The following NRG4 variants were observed in gnomAD, a reference collection of about 807,000 sequenced individuals.
NRG4 encodes pro-neuregulin-4, membrane-bound isoform.
In NRG4, 10 loss-of-function variants were observed where a neutral mutation model predicts 15.0. The ratio of observed to expected loss-of-function variants is 0.67; its 90% CI spans 0.41 to 1.13. The LOEUF is 1.13. Among genes scored for constraint, NRG4 ranks in the 50% most tolerant of loss-of-function variants. NRG4 has a pLI of 0.00. For missense variants in NRG4, 139 were observed against 140.2 expected, an observed-to-expected ratio of 0.99 and a Z score of 0.04; for synonymous variants, 41 against 50.1, an observed-to-expected ratio of 0.82 and a Z score of 0.77.
downstream of NRG4, chr15:75,936,471 T>C (rs2030347827): frequency 6.6e-6 from 1 of 152,258 alleles, no homozygotes; most frequent in Non-Finnish European, 1.5e-5. Flanking sequence ...TTTATATATT[T>C]AACTTCTACC....
chr15:76,032,312 A>G (rs997633007), intron 5 of NRG4, among the ~76,000 whole-genome samples: 5 of 152,212 alleles, frequency 3.3e-5, no homozygotes, highest in African/African-American at 1.2e-4. Context: ...AAAGAATGGC[A>G]AAATATTGTG....
At chr15:75,945,804 C>T (rs190359389) in intron 5 of NRG4, 1 of 152,294 alleles carries the variant, frequency 6.6e-6, no homozygotes, top group East Asian at 1.9e-4. Flanking sequence ...CAGTAGTCCC[C>T]TCTTCTCCAT....
At chr15:76,022,920 G>C (rs1195822505) in intron 5 of NRG4, among the ~76,000 whole-genome samples, 1 of 151,984 alleles carries the variant, frequency 6.6e-6, no homozygotes, top group African/African-American at 2.4e-5. Context: ...TAAAGCACAG[G>C]AATTAGGACA....
intron 5 of NRG4, among the ~76,000 whole-genome samples, 198 bp from the exon 6 acceptor site, chr15:75,943,852 C>A (rs74024029): frequency 0.083 from 12,585 of 152,110 alleles, 1,296 homozygotes; most frequent in African/African-American, 0.24. Context: ...ACACTGAGTT[C>A]TGTCAGATTC....
chr15:76,044,321 A>T lies in NRG4; in HGVS notation c.-105+7746T>A, dbSNP rs923199169. ...CCGGCCACATGAACTCATTTTTGAC[A>T]AAGGTGCCAAGAACATACTTGGGGA... On this transcript the variant is annotated intron_variant, in intron 4 of 8. Coordinates refer to the NRG4 transcript ENST00000563910. Among the ~76,000 whole-genome samples the T allele has an allele frequency of 1.4e-4, 21 of 147,754 alleles. 1 individual carries two copies. The highest frequency in any genetic ancestry group is 5.4e-4 in the African/African-American group (21 of 38,534).
chr15:76,024,721 C>G (rs1371098327), intron 5 of NRG4, among the ~76,000 whole-genome samples: 3 of 152,218 alleles, frequency 2.0e-5, no homozygotes, highest in Admixed American at 1.3e-4. Flanking sequence ...CACACCACCA[C>G]TGCCAAACTC....
At chr15:76,023,640 AC>A (rs1052884322) in intron 5 of NRG4, among the ~76,000 whole-genome samples, 2 of 152,010 alleles carry the variant, frequency 1.3e-5, no homozygotes, top group African/African-American at 4.8e-5. Flanking sequence ...AATTAGAGCC[AC>A]CTCTGGAATG....
intron 5 of NRG4, among the ~76,000 whole-genome samples, chr15:75,944,955 C>CT (rs397714796): frequency 0.012 from 1,857 of 149,056 alleles, 29 homozygotes; most frequent in African/African-American, 0.035. Context: ...TTTTTTAATA[C>CT]TTTTTTTTTT....
intron 3 of NRG4, among the ~76,000 whole-genome samples, chr15:76,007,424 G>A (rs891340506): frequency 2.0e-5 from 3 of 148,764 alleles, no homozygotes; most frequent in East Asian, 2.0e-4. Context: ...ATTATTAAAC[G>A]CACTTTTTTT....
At chr15:75,997,039 C>T (rs889050259) in intron 3 of NRG4, among the ~76,000 whole-genome samples, 2 of 151,774 alleles carry the variant, frequency 1.3e-5, no homozygotes, top group Non-Finnish European at 2.9e-5. Flanking sequence ...TGAGACTTTT[C>T]CCACTATAAT....
Position 75,942,822 on chromosome 15 carries a change from T to TC in NRG4, c.*815dup, listed in dbSNP as rs889040679. ...CCTTAAAGTTACTATTGCTTTTTTT[T>TC]CCCCCATGTAACTTAGGTAGAAAAA... is the stretch of plus-strand genomic sequence containing the variant. On this transcript the variant is annotated 3_prime_UTR_variant, in exon 6 of 6. Coordinates refer to ENST00000394907, the MANE Select transcript of NRG4 (RefSeq NM_138573.4). 4 of 152,166 alleles carry TC rather than the reference T, an allele frequency of 2.6e-5. No individual in the cohort carries two copies. The highest frequency in any genetic ancestry group is 2.1e-4 in the South Asian group (1 of 4,820). 9.4% of individuals were successfully genotyped at this position (152,166 alleles called of 1,614,324 possible). A position where few individuals can be genotyped will look rare whatever the true frequency, so the allele number is the denominator to read the frequency against.
At chr15:75,956,086 GTT>G (rs10711025) in intron 4 of NRG4, 75 bp from the exon 5 acceptor site, 5,798 of 473,850 alleles carry the variant, frequency 0.012, no homozygotes, top group South Asian at 0.018. Context: ...TAGAAAGAAA[GTT>G]TTTTTTTTTT....
At chr15:75,999,554 G>C (rs2034331830) in intron 3 of NRG4, among the ~76,000 whole-genome samples, 1 of 152,144 alleles carries the variant, frequency 6.6e-6, no homozygotes, top group Non-Finnish European at 1.5e-5. Context: ...GCAACAAGAA[G>C]GCCCTCACCA....
chr15:75,958,520 C>T (rs940540390), intron 4 of NRG4, among the ~76,000 whole-genome samples: 3 of 152,092 alleles, frequency 2.0e-5, no homozygotes, highest in Non-Finnish European at 2.9e-5. Context: ...GTAGGCTCTT[C>T]AAGAATTGAT....
chr15:76,008,060 G>A (rs2034671514), intron 3 of NRG4, among the ~76,000 whole-genome samples: 1 of 152,118 alleles, frequency 6.6e-6, no homozygotes, highest in African/African-American at 2.4e-5. Flanking sequence ...TGATGGTGGT[G>A]GTGATTTCAC....
intron 3 of NRG4, among the ~76,000 whole-genome samples, chr15:75,986,094 AT>A (rs1348913818): frequency 2.0e-5 from 3 of 152,204 alleles, no homozygotes; most frequent in African/African-American, 7.2e-5. Context: ...CATCTATCAG[AT>A]TGGTAAGAAC....
At chr15:76,037,963 T>C (rs1181495527) in intron 4 of NRG4, among the ~76,000 whole-genome samples, 1 of 151,992 alleles carries the variant, frequency 6.6e-6, no homozygotes, top group East Asian at 1.9e-4. Context: ...TGGCCCCCAT[T>C]CCAGGCCCTA....
intron 3 of NRG4, among the ~76,000 whole-genome samples, chr15:75,984,367 C>G (rs1476258628): frequency 6.6e-6 from 1 of 151,960 alleles, no homozygotes; most frequent in African/African-American, 2.4e-5. Context: ...TAAAAGGGGT[C>G]TTTTTACTTA....
intron 4 of NRG4, among the ~76,000 whole-genome samples, chr15:75,956,644 A>G (rs1341673607): frequency 6.6e-6 from 1 of 152,176 alleles, no homozygotes; most frequent in Non-Finnish European, 1.5e-5. Context: ...GTATTTTCTA[A>G]AAGCATACTT....
Sources: allele counts gnomAD v4.1 joint callset (sites outside exome capture counted in the v4.1 genomes callset), GRCh38; gene constraint gnomAD v4.1.1; transcripts MANE v1.5; gene names NCBI Gene and HGNC (gene_info 2026-07-23, HGNC 2026-07-21).